The following NTMT1 variants were observed in gnomAD, a reference collection of about 807,000 sequenced individuals.
The protein encoded by NTMT1 is N-terminal RCC1 methyltransferase.
NTMT1 carries 8 observed loss-of-function variants against 17.5 expected under a neutral mutation model. That is an observed-to-expected ratio of 0.46 (90% CI 0.27 to 0.82). The LOEUF (loss-of-function observed/expected upper bound fraction) is 0.82. Ranked by LOEUF, NTMT1 falls within the 40% of genes least tolerant of loss-of-function variation. The pLI is 0.15. For synonymous variants in NTMT1, 128 were observed against 126.8 expected, an observed-to-expected ratio of 1.01 and a Z score of -0.06; for missense variants, 221 against 303.5, an observed-to-expected ratio of 0.73 and a Z score of 2.02.
At position 129,626,294 on chromosome 9, in the gene NTMT1, G is replaced by A. The variant is rs1036961509; in HGVS notation, c.-56G>A. Reference sequence around the variant, plus strand: ...TCTCGGTCCCGGGAGCCCCCGCCCGGAGTGAGTAGCGCGAGGCGGTGCGAA... The same window carrying A: ...TCTCGGTCCCGGGAGCCCCCGCCCGAAGTGAGTAGCGCGAGGCGGTGCGAA... On this transcript the variant is annotated splice_region_variant and 5_prime_UTR_variant, in exon 1 of 4. Transcript: ENST00000372483. 1 of 152,274 alleles carries A rather than the reference G, an allele frequency of 6.6e-6. No homozygotes were observed. The highest frequency in any genetic ancestry group is 1.5e-5 in the Non-Finnish European group (1 of 68,074). The allele number at this position is 152,274 out of a possible 1,614,324, so 9.4% of individuals were successfully genotyped here. A position where few individuals can be genotyped will look rare whatever the true frequency, so the allele number is the denominator to read the frequency against.
rs1214875151 is a variant in NTMT1 at position 129,620,043 on chromosome 9, C to T, written c.-55+10865C>T. 5 of 1,453,318 alleles carry T rather than the reference C, an allele frequency of 3.4e-6. No individual in the cohort carries two copies. In the East Asian group the frequency reaches 1.0e-4, roughly 29 times the overall value. The allele number at this position is 1,453,318 out of a possible 1,614,324, so 90.0% of individuals were successfully genotyped here. ...CCCACCGGAAATGACTCGGGCCCGCCCCCCGGGCCCCGCGGGGCCTCACTC... is the reference window on the plus strand; with the variant it reads ...CCCACCGGAAATGACTCGGGCCCGCTCCCCGGGCCCCGCGGGGCCTCACTC... On this transcript the variant is annotated intron_variant, in intron 1 of 3. Transcript: ENST00000372486. This position sits in a 1 kb window ranked among gnomAD's most constrained non-coding sequence, Gnocchi z 5.8.
intron 1 of NTMT1, among the ~76,000 whole-genome samples, chr9:129,610,509 C>T (rs377185299): frequency 2.0e-5 from 3 of 151,918 alleles, no homozygotes; most frequent in African/African-American, 4.8e-5. Context: ...CGTTTCCCCC[C>T]ACCCGCCAGG....
intron 1 of NTMT1, chr9:129,615,369 A>T: frequency 8.8e-7 from 1 of 1,130,998 alleles, no homozygotes; most frequent in Non-Finnish European, 1.2e-6. Flanking sequence ...AGGATCACTG[A>T]TCTCTTGGCC....
intron 3 of NTMT1, chr9:129,634,874 A>G (rs895296902): frequency 3.1e-6 from 1 of 323,882 alleles, no homozygotes; most frequent in Non-Finnish European, 5.8e-6. Flanking sequence ...AGCTCCTGCA[A>G]TGCCAAACTC....
upstream of NTMT1, among the ~76,000 whole-genome samples, chr9:129,623,250 G>A (rs1588130067): frequency 6.8e-6 from 1 of 146,814 alleles, no homozygotes; most frequent in Admixed American, 6.8e-5. Context: ...GGAGAATGGC[G>A]TGAACCCAGG....
At position 129,620,925 on chromosome 9, in the gene NTMT1, GTTA is replaced by G. The variant is rs1830678447; in HGVS notation, c.-54-11716_-54-11714del. 1 of 226,520 alleles carries G rather than the reference GTTA, an allele frequency of 4.4e-6. No individual in the cohort carries two copies. Among genetic ancestry groups the G allele is most frequent in the Admixed American group, 5.7e-5 (1 of 17,482 alleles). The allele number at this position is 226,520 out of a possible 1,614,324, so 14.0% of individuals were successfully genotyped here. A position where few individuals can be genotyped will look rare whatever the true frequency, so the allele number is the denominator to read the frequency against. ...TAGCTGCCATTCTTAGTATTTCAAA[GTTA>G]TTATTATTTAGGATTTAGTCCCAGC... On this transcript the variant is annotated intron_variant, in intron 1 of 3. Transcript: ENST00000372486. The surrounding 1 kb of genome is among the most constrained non-coding windows in gnomAD (Gnocchi z 5.8).
chr9:129,612,529 G>A, intron 1 of NTMT1: 1 of 1,170,416 alleles, frequency 8.5e-7, no homozygotes, highest in Admixed American at 2.0e-5. Context: ...GTGGGATTCT[G>A]TGCTGAAGCC....
At chr9:129,611,024 C>T (rs1830104036) in intron 1 of NTMT1, among the ~76,000 whole-genome samples, 1 of 152,288 alleles carries the variant, frequency 6.6e-6, no homozygotes, top group East Asian at 1.9e-4. Flanking sequence ...GTCTTCTTCC[C>T]ATCCCTGCAG....
At chr9:129,631,723 G>A (rs1403111032) in intron 1 of NTMT1, among the ~76,000 whole-genome samples, 4 of 152,286 alleles carry the variant, frequency 2.6e-5, no homozygotes, top group African/African-American at 7.2e-5. Context: ...GAGCAGTGCC[G>A]TCGCCCTCCA....
At chr9:129,633,246 C>G (rs1281332591) in intron 2 of NTMT1, 6 of 384,458 alleles carry the variant, frequency 1.6e-5, no homozygotes, top group African/African-American at 1.0e-4. Context: ...TTTCCACCCT[C>G]TGCTCCACCC....
chr9:129,628,345 A>G (rs1830993377), intron 1 of NTMT1, among the ~76,000 whole-genome samples: 1 of 152,248 alleles, frequency 6.6e-6, no homozygotes, highest in Non-Finnish European at 1.5e-5. Context: ...TTTCCCGGCC[A>G]GGATGTGCCT....
In NTMT1 at chr9:129,615,579, G is replaced by A. The variant is rs1172067332; in HGVS notation, c.-55+6401G>A. Reference sequence around the variant, plus strand: ...AGGGCAACGCTGCCTGCAGGGCCTAGAGCCTTCCCCCGAGGGGTTGTGGGT... The same window carrying A: ...AGGGCAACGCTGCCTGCAGGGCCTAAAGCCTTCCCCCGAGGGGTTGTGGGT... On this transcript the variant is annotated intron_variant, in intron 1 of 3. Transcript: ENST00000372486. 1.9e-6 allele frequency: 3 copies of A among 1,608,032 alleles called. No homozygotes were observed. The Admixed American group carries it at 5.0e-5, about 27-fold the overall frequency.
intron 3 of NTMT1, 96 bp downstream of exon 3, chr9:129,634,402 C>G (rs1831388628): frequency 7.0e-7 from 1 of 1,438,728 alleles, no homozygotes; most frequent in Non-Finnish European, 9.4e-7. Flanking sequence ...ACTCCTGCAG[C>G]AAGTGGGCCA....
In NTMT1 at chr9:129,613,714, C is replaced by A; in HGVS notation, c.-55+4536C>A. 2 of 1,290,830 alleles carry A rather than the reference C, an allele frequency of 1.5e-6. No individual in the cohort carries two copies. Among genetic ancestry groups the A allele is most frequent in the Non-Finnish European group, 2.1e-6 (2 of 935,422 alleles). 80.0% of individuals were successfully genotyped at this position (1,290,830 alleles called of 1,614,324 possible). ...TCAGAGCCCTGTCTCCATGGCAACC[C>A]CAGGCTCCCCAGCGCCTTCTGGCTG... On this transcript the variant is annotated intron_variant, in intron 1 of 3. Coordinates refer to the NTMT1 transcript ENST00000372486. The surrounding 1 kb of genome is among the most constrained non-coding windows in gnomAD (Gnocchi z 6.2).
intron 1 of NTMT1, chr9:129,619,624 C>A (rs745405190): frequency 1.2e-6 from 2 of 1,613,944 alleles, no homozygotes; most frequent in Non-Finnish European, 8.5e-7. Context: ...CCTGGAGGTG[C>A]GATGACTGGC....
chr9:129,608,910 G>A (rs994572557), exon 1 of NTMT1: 1 of 152,508 alleles, frequency 6.6e-6, no homozygotes, highest in Non-Finnish European at 1.5e-5. Flanking sequence ...TGTGCGGCAG[G>A]AAGAAGCAGC....
chr9:129,626,151 G>C (rs1036883646), upstream of NTMT1: 1 of 152,220 alleles, frequency 6.6e-6, no homozygotes, highest in African/African-American at 2.4e-5. Flanking sequence ...AGTGACGTTG[G>C]CGGACAAAGG....
intron 1 of NTMT1, among the ~76,000 whole-genome samples, chr9:129,610,046 C>T (rs984576224): frequency 1.1e-4 from 17 of 149,578 alleles, no homozygotes; most frequent in African/African-American, 3.9e-4. Flanking sequence ...GTGCGTATCT[C>T]GGTGGTGGGT....
At chr9:129,610,857 G>A (rs1360597389) in intron 1 of NTMT1, among the ~76,000 whole-genome samples, 1 of 152,194 alleles carries the variant, frequency 6.6e-6, no homozygotes, top group African/African-American at 2.4e-5. Flanking sequence ...CTGAGACGGG[G>A]GACGGGGCGT....
Sources: allele counts gnomAD v4.1 joint callset (sites outside exome capture counted in the v4.1 genomes callset), GRCh38; gene constraint gnomAD v4.1.1; non-coding constraint Gnocchi (gnomAD v3.1); transcripts MANE v1.5; gene names NCBI Gene and HGNC (gene_info 2026-07-23, HGNC 2026-07-21).